Variants in USP34 observed in about 807,000 individuals in gnomAD.
USP34 encodes ubiquitin specific peptidase 34.
Under a neutral mutation model 460.3 loss-of-function variants are expected in USP34, and 70 were observed. The ratio of observed to expected loss-of-function variants is 0.15; its 90% CI spans 0.13 to 0.19. The LOEUF is 0.19. Among genes scored for constraint, USP34 ranks in the 10% least tolerant of loss-of-function variants. The pLI is 1.00. For synonymous variants in USP34, 1,647 were observed against 1,405.3 expected, an observed-to-expected ratio of 1.17 and a Z score of -3.85; for missense variants, 3,985 against 4,236.2, an observed-to-expected ratio of 0.94 and a Z score of 1.65.
intron 1 of USP34, among the ~76,000 whole-genome samples, chr2:61,468,636 A>G (rs979799774): frequency 6.6e-6 from 1 of 152,224 alleles, no homozygotes; most frequent in Non-Finnish European, 1.5e-5. Context: ...TCATTAGAAC[A>G]GGTTTCTTAG....
At chr2:61,468,463 G>A (rs1302701506) in intron 1 of USP34, among the ~76,000 whole-genome samples, 2 of 152,234 alleles carry the variant, frequency 1.3e-5, no homozygotes, top group Admixed American at 6.5e-5. Context: ...GATTACAGGC[G>A]TGAGCCACTG....
chr2:61,410,065 C>T (rs185815533), intron 2 of USP34, among the ~76,000 whole-genome samples: 1 of 152,172 alleles, frequency 6.6e-6, no homozygotes, highest in Admixed American at 6.5e-5. Flanking sequence ...GCAACAGGGA[C>T]CTGTTTTGTG....
intron 57 of USP34, among the ~76,000 whole-genome samples, 168 bp from the exon 58 acceptor site, chr2:61,232,700 G>T (rs577378804): frequency 2.8e-4 from 42 of 151,792 alleles, no homozygotes; most frequent in Non-Finnish European, 5.4e-4. Flanking sequence ...TCATAATAAG[G>T]GTTACCTCAT....
chr2:61,195,452 T>G (rs1000449564), intron 75 of USP34, among the ~76,000 whole-genome samples: 1 of 150,900 alleles, frequency 6.6e-6, no homozygotes, highest in Non-Finnish European at 1.5e-5. Context: ...GGCAGGCAGA[T>G]CATGAGGTCA....
chr2:61,283,338 T>A (rs1689590955), intron 36 of USP34, 69 bp from the exon 37 acceptor site: 1 of 1,578,346 alleles, frequency 6.3e-7, no homozygotes, highest in Non-Finnish European at 8.6e-7. Context: ...ATGTTCAATA[T>A]TAAAGGTAAA....
At chr2:61,456,389 T>C (rs1332033767) in intron 1 of USP34, among the ~76,000 whole-genome samples, 1 of 152,218 alleles carries the variant, frequency 6.6e-6, no homozygotes, top group Non-Finnish European at 1.5e-5. Flanking sequence ...TGAAATGACA[T>C]TTGTCAGGAA....
chr2:61,433,294 C>A (rs1694727422), intron 1 of USP34, among the ~76,000 whole-genome samples: 1 of 152,142 alleles, frequency 6.6e-6, no homozygotes, highest in South Asian at 2.1e-4. Context: ...GCAGAAGATC[C>A]CTCACCAGCA....
intron 5 of USP34, among the ~76,000 whole-genome samples, chr2:61,385,794 G>T (rs1284716889): frequency 6.6e-6 from 1 of 150,832 alleles, no homozygotes; most frequent in East Asian, 2.0e-4. Flanking sequence ...AGGAGTTCAA[G>T]ACCAGCTTGG....
At chr2:61,432,486 TAAAC>T (rs1694706805) in intron 1 of USP34, among the ~76,000 whole-genome samples, 1 of 151,766 alleles carries the variant, frequency 6.6e-6, no homozygotes, top group Non-Finnish European at 1.5e-5. Context: ...CATAAATACG[TAAAC>T]AAACAAAGCT....
chr2:61,295,895 T>C (rs72886824), intron 30 of USP34, among the ~76,000 whole-genome samples: 3 of 152,372 alleles, frequency 2.0e-5, no homozygotes, highest in African/African-American at 7.2e-5. Context: ...AGGACATTTA[T>C]TTTTTCATTC....
Position 61,211,853 on chromosome 2 carries a change from T to C in USP34, c.8759A>G (p.Asp2920Gly). The change falls in exon 69 of 80, where the codon GAT becomes GGT. Residue 2920 changes from aspartate to glycine, a missense_variant. By Grantham distance (94) the Asp-to-Gly change is moderately conservative. Transcript: ENST00000398571. ...GGTTGTTTTCTTGAACTGTTTAATATCTTCTAATTCTTCTTCTCTCATATC... is the reference window on the plus strand; with the variant it reads ...GGTTGTTTTCTTGAACTGTTTAATACCTTCTAATTCTTCTTCTCTCATATC... ...RPDMREEELE[D>G]IKQFKKTTIS... 1 of 1,610,668 alleles carries C rather than the reference T, an allele frequency of 6.2e-7. No individual in the cohort carries two copies. The highest frequency in any genetic ancestry group is 1.1e-5 in the South Asian group (1 of 90,400).
chr2:61,266,623 C>T (rs1307819840), intron 41 of USP34, among the ~76,000 whole-genome samples: 8 of 152,168 alleles, frequency 5.3e-5, no homozygotes, highest in African/African-American at 1.9e-4. Flanking sequence ...TTAAGTCTGT[C>T]TGAGAAAGTG....
intron 1 of USP34, among the ~76,000 whole-genome samples, chr2:61,466,868 C>T (rs1695778915): frequency 6.7e-6 from 1 of 148,968 alleles, no homozygotes; most frequent in Non-Finnish European, 1.5e-5. Context: ...GCCGACACTG[C>T]ATTCCAGCCT....
intron 66 of USP34, among the ~76,000 whole-genome samples, chr2:61,220,936 T>C (rs1036326612): frequency 6.7e-6 from 1 of 148,584 alleles, no homozygotes; most frequent in African/African-American, 2.5e-5. Flanking sequence ...TCAAATTCTG[T>C]GGCTGCCCGT....
chr2:61,222,725 T>A, intron 64 of USP34, 62 bp from the exon 65 acceptor site: 1 of 1,493,484 alleles, frequency 6.7e-7, no homozygotes, highest in Non-Finnish European at 9.2e-7. Context: ...GAGACAGGGT[T>A]TCGCTATGTC....
chr2:61,188,045 CA>C lies in USP34; in HGVS notation c.*56del. On this transcript the variant is annotated 3_prime_UTR_variant, in exon 80 of 80. Transcript: ENST00000398571. ...CAAAAACAAATAAGCAAAACTTATA[CA>C]AACAGCATGGGGGTTGGGGGTGAGG... 1 of 1,544,670 alleles carries C rather than the reference CA, an allele frequency of 6.5e-7. No individual in the cohort carries two copies. The highest frequency in any genetic ancestry group is 8.7e-7 in the Non-Finnish European group (1 of 1,149,392).
intron 3 of USP34, among the ~76,000 whole-genome samples, chr2:61,395,600 C>CA (rs1209465887): frequency 3.4e-4 from 51 of 147,872 alleles, no homozygotes; most frequent in African/African-American, 1.1e-3. Flanking sequence ...AGATCGAGAC[C>CA]ACGGTGAAAC....
chr2:61,275,734 T>C (rs1689354483), intron 41 of USP34, among the ~76,000 whole-genome samples: 1 of 152,168 alleles, frequency 6.6e-6, no homozygotes, highest in African/African-American at 2.4e-5. Flanking sequence ...GACAGTATTG[T>C]ATAATGGTTA....
At chr2:61,256,247 C>G in intron 48 of USP34, 137 bp downstream of exon 48, 1 of 720,570 alleles carries the variant, frequency 1.4e-6, no homozygotes, top group Non-Finnish European at 2.3e-6. Flanking sequence ...TGAAAAGTTG[C>G]TCCATGAGAC....
Sources: gnomAD v4.1 joint callset for allele counts (sites outside exome capture counted in the v4.1 genomes callset) on GRCh38, gnomAD v4.1.1 for gene constraint, MANE v1.5 for transcripts, NCBI Gene and HGNC (gene_info 2026-07-23, HGNC 2026-07-21) for gene names.